Variants in GALNT13 observed in about 807,000 individuals in gnomAD.
GALNT13 encodes UDP-GalNAc:polypeptide N-acetylgalactosaminyltransferase 13.
A neutral mutation model predicts 64.2 loss-of-function variants in GALNT13; 28 were observed. That is an observed-to-expected ratio of 0.44 (90% CI 0.32 to 0.60). The LOEUF (loss-of-function observed/expected upper bound fraction) is 0.60, where lower values mean the gene tolerates loss of function less well. Ranked by LOEUF, GALNT13 falls within the 20% of genes least tolerant of loss-of-function variation. The pLI is 0.05. For synonymous variants in GALNT13, 214 were observed against 224.6 expected (o/e 0.95, Z 0.42); for missense variants, 577 against 669.8 (o/e 0.86, Z 1.53).
chr2:154,285,085 CT>C lies in GALNT13; in HGVS notation c.976-16323del, dbSNP rs1692184722. On this transcript the variant is annotated intron_variant, in intron 8 of 12. Transcript: ENST00000392825. ...TGAAATTGGGTTATTAATATTTTTG[CT>C]GTTAAGTTGTTTGAATTCCTTGTTT... 2.0e-5 allele frequency among the ~76,000 whole-genome samples: 3 copies of C among 152,074 alleles called. No individual in the cohort carries two copies. The South Asian group carries it at 6.2e-4, about 32-fold the overall frequency.
chr2:154,124,565 T>C (rs374376104), intron 3 of GALNT13, among the ~76,000 whole-genome samples: 11 of 152,148 alleles, frequency 7.2e-5, no homozygotes, highest in East Asian at 3.9e-4. Flanking sequence ...TGTTTTCTAT[T>C]CTAACCAAGA....
intron 1 of GALNT13, among the ~76,000 whole-genome samples, chr2:153,897,229 T>G (rs1687949298): frequency 6.6e-6 from 1 of 152,138 alleles, no homozygotes; most frequent in African/African-American, 2.4e-5. Context: ...TCCCAGTATA[T>G]TTCTAGGATC....
the GALNT13 span, among the ~76,000 whole-genome samples, chr2:153,397,303 A>G: frequency 6.6e-6 from 1 of 152,216 alleles, no homozygotes; most frequent in African/African-American, 2.4e-5. Context: ...TACATGTTCA[A>G]CCTAAGGAGA....
intron 9 of GALNT13, among the ~76,000 whole-genome samples, chr2:154,353,234 G>A (rs1574142006): frequency 6.6e-6 from 1 of 151,984 alleles, no homozygotes; most frequent in Non-Finnish European, 1.5e-5. Context: ...CTATATTCAT[G>A]GAACCCCTGT....
intron 9 of GALNT13, among the ~76,000 whole-genome samples, chr2:154,370,667 G>A (rs183420696): frequency 2.6e-5 from 4 of 152,140 alleles, no homozygotes; most frequent in Non-Finnish European, 5.9e-5. Context: ...CCAGAGTTTT[G>A]TTTTTAGATT....
At chr2:154,095,180 G>A (rs554965784) in intron 3 of GALNT13, among the ~76,000 whole-genome samples, 8 of 151,790 alleles carry the variant, frequency 5.3e-5, no homozygotes, top group South Asian at 4.2e-4. Flanking sequence ...ATATACAGCC[G>A]GTTAATTGGT....
intron 3 of GALNT13, among the ~76,000 whole-genome samples, chr2:154,080,100 G>A (rs1701195115): frequency 6.6e-6 from 1 of 151,624 alleles, no homozygotes; most frequent in Admixed American, 6.6e-5. Context: ...GTTGTTAATA[G>A]AGTTGAAGAT....
At chr2:153,187,459 A>G in the GALNT13 span, 4 of 152,242 alleles carry the variant, frequency 2.6e-5, no homozygotes, top group Non-Finnish European at 5.9e-5. Context: ...TACCTTTTCC[A>G]TACAGTTTTT....
At chr2:153,555,450 T>C in the GALNT13 span, among the ~76,000 whole-genome samples, 10 of 104,740 alleles carry the variant, frequency 9.5e-5, 2 homozygotes, top group Admixed American at 9.1e-4. Context: ...CGCCTCGGCC[T>C]CCCAAAGTGC....
At chr2:153,728,888 A>T in the GALNT13 span, among the ~76,000 whole-genome samples, 1 of 152,226 alleles carries the variant, frequency 6.6e-6, no homozygotes, top group African/African-American at 2.4e-5. Flanking sequence ...GAAAATCTAG[A>T]AGAAATTGAT....
At chr2:153,674,228 G>T in the GALNT13 span, among the ~76,000 whole-genome samples, 12 of 152,242 alleles carry the variant, frequency 7.9e-5, no homozygotes, top group East Asian at 9.6e-4. Flanking sequence ...AACCAAAAAA[G>T]AGCCCGCATT....
the GALNT13 span, among the ~76,000 whole-genome samples, chr2:153,731,774 T>TC: frequency 5.5e-4 from 83 of 152,016 alleles, no homozygotes; most frequent in African/African-American, 2.0e-3. Flanking sequence ...TCTTTTTTTT[T>TC]CTGCAGTGCA....
At chr2:153,630,797 ATATATATATATTTTTTTT>A in the GALNT13 span, among the ~76,000 whole-genome samples, 8 of 16,464 alleles carry the variant, frequency 4.9e-4, no homozygotes, top group Non-Finnish European at 7.9e-4. Context: ...ATATATATAT[ATATATATATATTTTTTTT>A]TTTTTTTTTA....
intron 3 of GALNT13, among the ~76,000 whole-genome samples, chr2:154,074,969 C>T (rs920651299): frequency 3.3e-5 from 5 of 151,804 alleles, no homozygotes; most frequent in Non-Finnish European, 5.9e-5. Context: ...AAGCTGAAAA[C>T]GTTCCCCTTG....
At chr2:153,780,240 T>TGC in the GALNT13 span, among the ~76,000 whole-genome samples, 59 of 19,456 alleles carry the variant, frequency 3.0e-3, no homozygotes, top group Non-Finnish European at 7.6e-3. Context: ...TATATATATA[T>TGC]ATATATATAT....
At chr2:153,576,070 A>G in the GALNT13 span, among the ~76,000 whole-genome samples, 1 of 152,100 alleles carries the variant, frequency 6.6e-6, no homozygotes, top group Non-Finnish European at 1.5e-5. Flanking sequence ...CAGACCTGGA[A>G]TAAGGGCTTC....
the GALNT13 span, among the ~76,000 whole-genome samples, chr2:153,438,264 T>A: frequency 6.6e-6 from 1 of 152,224 alleles, no homozygotes; most frequent in Non-Finnish European, 1.5e-5. Flanking sequence ...TAACATTTTT[T>A]CCTTCATTTC....
At chr2:153,398,470 C>T in the GALNT13 span, among the ~76,000 whole-genome samples, 496 of 151,710 alleles carry the variant, frequency 3.3e-3, 3 homozygotes, top group African/African-American at 0.011. Context: ...ATGGTATTTC[C>T]TGTTCTAGAT....
chr2:154,250,783 A>G (rs1367711031), intron 7 of GALNT13, among the ~76,000 whole-genome samples: 1 of 152,050 alleles, frequency 6.6e-6, no homozygotes, highest in Non-Finnish European at 1.5e-5. Flanking sequence ...ATCCAACCAT[A>G]ATATACGTTT....
Sources: allele counts gnomAD v4.1 joint callset (sites outside exome capture counted in the v4.1 genomes callset), GRCh38; gene constraint gnomAD v4.1.1; transcripts MANE v1.5; gene names NCBI Gene and HGNC (gene_info 2026-07-23, HGNC 2026-07-21).